The following BST2 variants were observed in gnomAD, a reference collection of about 807,000 sequenced individuals.
The protein encoded by BST2 is bone marrow stromal antigen 2.
A neutral mutation model predicts 18.6 loss-of-function variants in BST2; 10 were observed. The observed-to-expected ratio is 0.54, with a 90% confidence interval of 0.33 to 0.91. The LOEUF (loss-of-function observed/expected upper bound fraction) is 0.91. BST2 is among the 40% of genes least tolerant of loss of function. The probability of loss-of-function intolerance (pLI) is 0.02; values close to 1 mark genes in which losing one functional copy is unlikely to be tolerated. For synonymous variants in BST2, 75 were observed against 96.8 expected (o/e 0.77, Z 1.32); for missense variants, 183 against 228.4 (o/e 0.80, Z 1.28).
At position 17,403,782 on chromosome 19, in the gene BST2, C is replaced by T. The variant is rs2074709559; in HGVS notation, c.456G>A (p.Lys152=). 3 of 1,613,938 alleles carry T rather than the reference C, an allele frequency of 1.9e-6. No homozygotes were observed. The South Asian group carries it at 3.3e-5, about 18-fold the overall frequency. The change falls in exon 4 of 5, where the codon AAG becomes AAA. Residue 152 remains lysine (K), a synonymous_variant. Coordinates refer to ENST00000252593, the MANE Select transcript of BST2 (RefSeq NM_004335.4). The part of the protein sequence containing the change: ...QVLSVRIADK[K]YYPSSQDSSS... ...TGGAGTCCTGGGAGCTGGGGTAGTA[C>T]TTCTTGTCCGCGATTCTCACGCTTA...
chr19:17,403,787 T>C lies in BST2; in HGVS notation c.451A>G (p.Lys151Glu). The C allele has an allele frequency of 1.2e-6, 2 of 1,613,818 alleles. No homozygotes were observed. Among genetic ancestry groups the C allele is most frequent in the Non-Finnish European group, 1.7e-6 (2 of 1,179,898 alleles). Residue 151 changes from lysine to glutamate, a missense_variant, in exon 4 of 5, where the codon AAG becomes GAG. Transcript: ENST00000252593. ...TCCTGGGAGCTGGGGTAGTACTTCT[T>C]GTCCGCGATTCTCACGCTTAAGACC... ...NQVLSVRIAD[K>E]KYYPSSQDSS...
At chr19:17,403,876 C>G in intron 3 of BST2, 52 bp from the exon 4 acceptor site, 1 of 1,586,046 alleles carries the variant, frequency 6.3e-7, no homozygotes, top group Non-Finnish European at 8.6e-7. Context: ...TCCTGCCGCC[C>G]TCCCTGTAAG....
rs776457779 is a variant in BST2 at position 17,403,679 on chromosome 19, C to T, written c.*15+1G>A. The T allele has an allele frequency of 1.2e-6, 2 of 1,610,420 alleles. No homozygotes were observed. Among genetic ancestry groups the T allele is most frequent in the African/African-American group, 2.7e-5 (2 of 74,800 alleles). Reference sequence around the variant, plus strand: ...CCCGGGGCCGCCCCCTCCTCACTGACCAGCTTCCTGGGATCTCACTGCAGC... The same window carrying T: ...CCCGGGGCCGCCCCCTCCTCACTGATCAGCTTCCTGGGATCTCACTGCAGC... On this transcript the variant is annotated splice_donor_variant, in intron 4 of 4. Coordinates refer to ENST00000252593, the MANE Select transcript of BST2 (RefSeq NM_004335.4). LOFTEE classifies it low-confidence loss of function (3UTR_SPLICE).
Position 17,404,117 on chromosome 19 carries a change from G to A in BST2, c.413+12C>T. On this transcript the variant is annotated intron_variant, in intron 3 of 4. Transcript: ENST00000252593. ...GGCAGGTGGAGGGTAGCGGGGGAAG[G>A]CTATCTCTGACCTCAGTCGCTCCAC... is the stretch of plus-strand genomic sequence containing the variant. 1 of 1,577,790 alleles carries A rather than the reference G, an allele frequency of 6.3e-7. No homozygotes were observed.
chr19:17,403,535 A>T, intron 4 of BST2, 145 bp downstream of exon 4: 7 of 846,290 alleles, frequency 8.3e-6, no homozygotes, highest in Non-Finnish European at 1.1e-5. Context: ...TTCTCACTGG[A>T]TTCTCCCTCC....
At position 17,403,733 on chromosome 19, in the gene BST2, G is replaced by A; in HGVS notation, c.505C>T (p.Leu169=). The part of the protein sequence containing the change: ...DSSSAAAPQL[L]IVLLGLSALL... ...GCGCTGAGGCCCAGCAGCACAATCA[G>A]CAGCTGGGGCGCCGCAGCGGAGCTG... is the stretch of plus-strand genomic sequence containing the variant. The change falls in exon 4 of 5, where the codon CTG becomes TTG. Residue 169 remains leucine, a synonymous_variant. Transcript: ENST00000252593. 4 of 1,613,828 alleles carry A rather than the reference G, an allele frequency of 2.5e-6. No individual in the cohort carries two copies. The highest frequency in any genetic ancestry group is 3.4e-6 in the Non-Finnish European group (4 of 1,179,968).
Position 17,403,683 on chromosome 19 carries a change from C to T in BST2, c.*12G>A, listed in dbSNP as rs1289601688. ...GGGCCGCCCCCTCCTCACTGACCAGCTTCCTGGGATCTCACTGCAGCAGAG... is the reference window on the plus strand; with the variant it reads ...GGGCCGCCCCCTCCTCACTGACCAGTTTCCTGGGATCTCACTGCAGCAGAG... On this transcript the variant is annotated 3_prime_UTR_variant, in exon 4 of 5. Transcript: ENST00000252593. The T allele has an allele frequency of 1.2e-6, 2 of 1,611,318 alleles. No individual in the cohort carries two copies. Among genetic ancestry groups the T allele is most frequent in the African/African-American group, 1.3e-5 (1 of 74,802 alleles).
chr19:17,404,600 C>A (rs939607435), intron 1 of BST2, 163 bp from the exon 2 acceptor site: 3 of 1,041,258 alleles, frequency 2.9e-6, no homozygotes, highest in African/African-American at 1.6e-5. Context: ...CCTTAAAGAA[C>A]AGCCACAACC....
chr19:17,404,548 T>C, intron 1 of BST2, 111 bp from the exon 2 acceptor site: 1 of 1,508,186 alleles, frequency 6.6e-7, no homozygotes, highest in East Asian at 2.3e-5. Context: ...TGCAAACCCC[T>C]TTCAGGTTTT....
At chr19:17,404,485 T>A (rs2074714666) in intron 1 of BST2, 48 bp from the exon 2 acceptor site, 2 of 1,613,646 alleles carry the variant, frequency 1.2e-6, no homozygotes, top group Admixed American at 3.3e-5. Context: ...GTTTGGCTGC[T>A]GCCCCTGGGA....
chr19:17,404,568 C>G, intron 1 of BST2, 131 bp from the exon 2 acceptor site: 2 of 1,355,758 alleles, frequency 1.5e-6, no homozygotes, highest in Middle Eastern at 1.9e-4. Context: ...TCTTCCAACC[C>G]TCTCTGCACC....
chr19:17,404,576 A>C, intron 1 of BST2, 139 bp from the exon 2 acceptor site: 1 of 1,297,930 alleles, frequency 7.7e-7, no homozygotes, highest in Non-Finnish European at 1.1e-6. Flanking sequence ...CCCTCTCTGC[A>C]CCATGGTCTC....
At position 17,403,779 on chromosome 19, in the gene BST2, G is replaced by A; in HGVS notation, c.459C>T (p.Tyr153=). ...VLSVRIADKK[Y]YPSSQDSSSA... Reference sequence around the variant, plus strand: ...AGCTGGAGTCCTGGGAGCTGGGGTAGTACTTCTTGTCCGCGATTCTCACGC... The same window carrying A: ...AGCTGGAGTCCTGGGAGCTGGGGTAATACTTCTTGTCCGCGATTCTCACGC... The change falls in exon 4 of 5, where the codon TAC becomes TAT. Residue 153 remains tyrosine (Y), a synonymous_variant. Transcript: ENST00000252593. 1 of 1,613,994 alleles carries A rather than the reference G, an allele frequency of 6.2e-7. No homozygotes were observed. The highest frequency in any genetic ancestry group is 8.5e-7 in the Non-Finnish European group (1 of 1,179,992).
At chr19:17,404,081 G>A (rs1555733785) in intron 3 of BST2, 48 bp downstream of exon 3, 1 of 1,533,676 alleles carries the variant, frequency 6.5e-7, no homozygotes, top group Non-Finnish European at 8.8e-7. Context: ...ATGTGGGGGT[G>A]AGAGGAATGT....
intron 4 of BST2, 29 bp from the exon 5 acceptor site, chr19:17,403,355 A>T: frequency 8.6e-7 from 1 of 1,160,564 alleles, no homozygotes; most frequent in Non-Finnish European, 1.1e-6. Flanking sequence ...GACTCAGGGC[A>T]GACTGGAGGC....
Position 17,404,197 on chromosome 19 carries a change from G to T in BST2, c.353-8C>A. The T allele has an allele frequency of 6.2e-7, 1 of 1,602,416 alleles. No homozygotes were observed. Among genetic ancestry groups the T allele is most frequent in the East Asian group, 2.3e-5 (1 of 44,408 alleles). Reference sequence around the variant, plus strand: ...TTAATGTAGTGATCTCTCCTGGTAGGGTGGGAGGACAGAAACAGGGGGCGG... The same window carrying T: ...TTAATGTAGTGATCTCTCCTGGTAGTGTGGGAGGACAGAAACAGGGGGCGG... On this transcript the variant is annotated splice_polypyrimidine_tract_variant and splice_region_variant and intron_variant, in intron 2 of 4. Transcript: ENST00000252593.
At chr19:17,404,479 G>A (rs2074714609) in intron 1 of BST2, 42 bp from the exon 2 acceptor site, 1 of 1,613,698 alleles carries the variant, frequency 6.2e-7, no homozygotes, top group Admixed American at 1.7e-5. Flanking sequence ...TGGGGAGTTT[G>A]GCTGCTGCCC....
At chr19:17,404,988 C>T (rs539956932) in intron 1 of BST2, among the ~76,000 whole-genome samples, 22 of 152,300 alleles carry the variant, frequency 1.4e-4, no homozygotes, top group East Asian at 9.6e-4. Context: ...TCAAGGCCCC[C>T]GACACCAGTG....
chr19:17,403,783 T>C lies in BST2; in HGVS notation c.455A>G (p.Lys152Arg). The change falls in exon 4 of 5, where the codon AAG becomes AGG. Residue 152 changes from lysine to arginine, a missense_variant. Lys to Arg is a conservative substitution (Grantham distance 26, BLOSUM62 2). Transcript: ENST00000252593. ...GGAGTCCTGGGAGCTGGGGTAGTACTTCTTGTCCGCGATTCTCACGCTTAA... is the reference window on the plus strand; with the variant it reads ...GGAGTCCTGGGAGCTGGGGTAGTACCTCTTGTCCGCGATTCTCACGCTTAA... ...QVLSVRIADK[K>R]YYPSSQDSSS... is the part of the protein sequence containing the mutation. 6.2e-7 allele frequency: 1 copy of C among 1,614,024 alleles called. No homozygotes were observed. The highest frequency in any genetic ancestry group is 8.5e-7 in the Non-Finnish European group (1 of 1,179,984).
Sources: gnomAD v4.1 joint callset for allele counts (sites outside exome capture counted in the v4.1 genomes callset) on GRCh38, gnomAD v4.1.1 for gene constraint, MANE v1.5 for transcripts, NCBI Gene and HGNC (gene_info 2026-07-23, HGNC 2026-07-21) for gene names.